Variants in EZH2 observed in about 807,000 individuals in gnomAD.
The protein encoded by EZH2 is histone-lysine N-methyltransferase EZH2.
Under a neutral mutation model 98.4 loss-of-function variants are expected in EZH2, and 18 were observed. The ratio of observed to expected loss-of-function variants is 0.18; its 90% CI spans 0.13 to 0.27. The LOEUF is 0.27. Among genes scored for constraint, EZH2 ranks in the 10% least tolerant of loss-of-function variants. EZH2 has a pLI of 1.00. For synonymous variants in EZH2, 338 were observed against 312.3 expected (o/e 1.08, Z -0.87); for missense variants, 470 against 935.1 (o/e 0.50, Z 6.49).
In EZH2 at chr7:148,847,289, TCTGGCC is replaced by T; in HGVS notation, c.4_9del (p.Gly2_Gln3del). ...GGTCCCTTCTCAGATTTCTTCCCAG[TCTGGCC>T]CATGATTATTCTAAAAGCAATGGTT... On this transcript the variant is annotated inframe_deletion, in exon 2 of 20. Coordinates refer to ENST00000320356, the MANE Select transcript of EZH2 (RefSeq NM_004456.5). 1 of 1,613,868 alleles carries T rather than the reference TCTGGCC, an allele frequency of 6.2e-7. No homozygotes were observed. The highest frequency in any genetic ancestry group is 8.5e-7 in the Non-Finnish European group (1 of 1,179,926).
chr7:148,833,381 C>T (rs1437780681), intron 3 of EZH2, among the ~76,000 whole-genome samples: 9 of 151,144 alleles, frequency 6.0e-5, no homozygotes, highest in Admixed American at 4.6e-4. Flanking sequence ...GGCGTGAACC[C>T]GGGAGGCGGA....
chr7:148,871,577 C>CTTTTTTTTTTTTTTTTTTTTTTT (rs376098406), intron 1 of EZH2, among the ~76,000 whole-genome samples: 3 of 135,254 alleles, frequency 2.2e-5, no homozygotes, highest in African/African-American at 8.4e-5. Context: ...AGTGTATTTT[C>CTTTTTTTTTTTTTTTTTTTTTTT]TTTTTTTTTT....
At chr7:148,873,868 A>C (rs34003774) in intron 1 of EZH2, among the ~76,000 whole-genome samples, 131,083 of 151,662 alleles carry the variant, frequency 0.86, 57,044 homozygotes, top group African/African-American at 0.96. Flanking sequence ...AGAGAAAAAA[A>C]AAAAGATTAA....
chr7:148,810,484 C>A, intron 16 of EZH2, 70 bp from the exon 17 acceptor site: 4 of 1,047,024 alleles, frequency 3.8e-6, no homozygotes, highest in Non-Finnish European at 5.9e-6. Flanking sequence ...CACACAAAAG[C>A]GCACAGAGTG....
At chr7:148,812,051 G>A (rs947081557) in intron 15 of EZH2, among the ~76,000 whole-genome samples, 34 of 152,186 alleles carry the variant, frequency 2.2e-4, no homozygotes, top group African/African-American at 7.2e-4. Flanking sequence ...TGATTTCCTC[G>A]AGTAATTCAC....
At position 148,829,791 on chromosome 7, in the gene EZH2, G is replaced by T; in HGVS notation, c.421C>A (p.Gln141Lys). 1 of 1,606,490 alleles carries T rather than the reference G, an allele frequency of 6.2e-7. No individual in the cohort carries two copies. Among genetic ancestry groups the T allele is most frequent in the Non-Finnish European group, 8.5e-7 (1 of 1,175,636 alleles). Residue 141 changes from glutamine (Q) to lysine (K), a missense_variant, in exon 5 of 20, where the codon CAG becomes AAG. Physicochemically the swap from Gln to Lys is moderately conservative, Grantham distance 53. Transcript: ENST00000320356. ...IPYMGDEVLD[Q>K]DGTFIEELIK... ...AGTTCTTCAATGAAAGTACCATCCTGATCTAAAACTTCATCTCCCATATAA... is the reference window on the plus strand; with the variant it reads ...AGTTCTTCAATGAAAGTACCATCCTTATCTAAAACTTCATCTCCCATATAA...
At chr7:148,860,172 T>C (rs1376994287) in intron 1 of EZH2, among the ~76,000 whole-genome samples, 1 of 152,134 alleles carries the variant, frequency 6.6e-6, no homozygotes, top group African/African-American at 2.4e-5. Flanking sequence ...AAGGAACTTA[T>C]ATGAAATCAT....
chr7:148,855,835 T>C (rs1344000554), intron 1 of EZH2, among the ~76,000 whole-genome samples: 4 of 146,080 alleles, frequency 2.7e-5, no homozygotes, highest in African/African-American at 1.0e-4. Context: ...GAGGCGGAGG[T>C]TGCAGTGAGC....
At chr7:148,882,451 T>A (rs1165435947) in intron 1 of EZH2, among the ~76,000 whole-genome samples, 1 of 152,256 alleles carries the variant, frequency 6.6e-6, no homozygotes, top group South Asian at 2.1e-4. Context: ...AGACGCTTTA[T>A]ATCTATGACT....
intron 1 of EZH2, among the ~76,000 whole-genome samples, chr7:148,879,516 T>G (rs1378415347): frequency 6.6e-6 from 1 of 151,080 alleles, no homozygotes; most frequent in Non-Finnish European, 1.5e-5. Flanking sequence ...CATGGTGAAA[T>G]CCCATCACTA....
Position 148,817,078 on chromosome 7 carries a change from C to A in EZH2, c.1410+144G>T. ...CCTGGAGAATAATTTTCATTCAATT[C>A]CCTCTTGGGAAGAAAAAAAAATTAT... On this transcript the variant is annotated intron_variant, in intron 11 of 19. Transcript: ENST00000320356. 6.7e-6 allele frequency: 5 copies of A among 744,254 alleles called. No individual in the cohort carries two copies. The South Asian group carries it at 1.2e-4, about 18-fold the overall frequency. The allele number at this position is 744,254 out of a possible 1,614,324, so 46.1% of individuals were successfully genotyped here. A position where few individuals can be genotyped will look rare whatever the true frequency, so the allele number is the denominator to read the frequency against.
At chr7:148,879,073 A>C (rs571181858) in intron 1 of EZH2, among the ~76,000 whole-genome samples, 8 of 150,494 alleles carry the variant, frequency 5.3e-5, no homozygotes, top group African/African-American at 1.5e-4. Context: ...AAAAATACAA[A>C]AATTAGCCAG....
intron 6 of EZH2, 118 bp downstream of exon 6, chr7:148,828,622 G>A (rs1808432856): frequency 2.3e-6 from 3 of 1,278,666 alleles, no homozygotes; most frequent in Non-Finnish European, 3.2e-6. Context: ...TGCTATCAAT[G>A]TGATATTTAA....
chr7:148,842,453 T>C (rs2129483575), intron 3 of EZH2, among the ~76,000 whole-genome samples: 1 of 152,334 alleles, frequency 6.6e-6, no homozygotes, highest in South Asian at 2.1e-4. Flanking sequence ...AGAACATAGT[T>C]ATTACTGGTT....
In EZH2 at chr7:148,811,116, CT is replaced by C. The variant is rs1404675518; in HGVS notation, c.1947+508del. Among the ~76,000 whole-genome samples the C allele has an allele frequency of 2.0e-5, 3 of 152,240 alleles. No individual in the cohort carries two copies. The East Asian group carries it at 5.8e-4, about 29-fold the overall frequency. ...CCTAGACGAGAAAAACTAAATGTGG[CT>C]AGAACCAAGCAATCCTGTTTTGTTT... is the stretch of plus-strand genomic sequence containing the variant. On this transcript the variant is annotated intron_variant, in intron 16 of 19. Transcript: ENST00000320356.
chr7:148,815,037 C>T lies in EZH2; in HGVS notation c.1549G>A (p.Gly517Ser), dbSNP rs776925814. The change falls in exon 14 of 20, where the codon GGC (glycine) becomes AGC (serine). Residue 517 changes from glycine (G) to serine (S), a missense_variant and splice_region_variant. Around this residue, in one of 6 missense-constraint regions of EZH2, gnomAD observed 106 missense variants for 327.2 expected, o/e 0.32. Transcript: ENST00000320356. ...TAGTTGTAAACATGGTTAGAGGAGC[C>T]GTCTGAGTAAAGATAACATCATGCA... ...HCRKIQLKKD[G>S]SSNHVYNYQP... 5.0e-6 allele frequency: 8 copies of T among 1,613,234 alleles called. No individual in the cohort carries two copies. In the African/African-American group the frequency reaches 6.7e-5, roughly 13 times the overall value.
chr7:148,835,565 G>A (rs1363176712), intron 3 of EZH2, among the ~76,000 whole-genome samples: 5 of 151,580 alleles, frequency 3.3e-5, no homozygotes, highest in East Asian at 3.8e-4. Context: ...TATAATTACC[G>A]AATATACTGA....
Position 148,827,185 on chromosome 7 carries a change from G to A in EZH2, c.707C>T (p.Thr236Ile), listed in dbSNP as rs755823072. 1 of 1,613,142 alleles carries A rather than the reference G, an allele frequency of 6.2e-7. No homozygotes were observed. Among genetic ancestry groups the A allele is most frequent in the Non-Finnish European group, 8.5e-7 (1 of 1,179,582 alleles). The change falls in exon 7 of 20, where the codon ACA (threonine) becomes ATA (isoleucine). Residue 236 changes from threonine (T) to isoleucine (I), a missense_variant. Coordinates refer to ENST00000320356, the MANE Select transcript of EZH2 (RefSeq NM_004456.5). ...AISSMFPDKG[T>I]AEELKEKYKE... ...TTACTTTTCCTTTAGTTCTTCTGCT[G>A]TGCCCTTATCTGGAAACATTGAGGA...
At position 148,816,724 on chromosome 7, in the gene EZH2, C is replaced by T; in HGVS notation, c.1465G>A (p.Asp489Asn). 2 of 1,614,166 alleles carry T rather than the reference C, an allele frequency of 1.2e-6. No individual in the cohort carries two copies. The highest frequency in any genetic ancestry group is 1.1e-5 in the South Asian group (1 of 91,086). ...TTTTTCCTTGGAGGAGTATCCACAT[C>T]CTCAGCGGGAGCTGGAGCTATGATG... ...SSIIAPAPAEDVDTPPRKKKR... is the reference protein window; with the variant it reads ...SSIIAPAPAENVDTPPRKKKR... Residue 489 changes from aspartate (D) to asparagine (N), a missense_variant, in exon 12 of 20, where the codon GAT (aspartate) becomes AAT (asparagine). Coordinates refer to ENST00000320356, the MANE Select transcript of EZH2 (RefSeq NM_004456.5).
Sources: gnomAD v4.1 joint callset for allele counts (sites outside exome capture counted in the v4.1 genomes callset) on GRCh38, gnomAD v4.1.1 for gene constraint, gnomAD v4.1.1 regional missense constraint, MANE v1.5 for transcripts, NCBI Gene and HGNC (gene_info 2026-07-23, HGNC 2026-07-21) for gene names.